PPIP5K1: variants seen among roughly 807,000 people sequenced by gnomAD.
PPIP5K1 encodes the protein diphosphoinositol pentakisphosphate kinase 1.
A neutral mutation model predicts 27.7 loss-of-function variants in PPIP5K1; 6 were observed. The observed-to-expected ratio is 0.22, with a 90% CI of 0.12 to 0.43. PPIP5K1 has a LOEUF of 0.43. Ranked by LOEUF, PPIP5K1 falls within the 20% of genes least tolerant of loss-of-function variation. The probability of loss-of-function intolerance (pLI) is 1.00; values close to 1 mark genes in which losing one functional copy is unlikely to be tolerated. For missense variants in PPIP5K1, 394 were observed against 635.4 expected (o/e 0.62, Z 4.08); for synonymous variants, 145 against 242.6 (o/e 0.60, Z 3.74).
At chr15:43,536,440 ATAGTT>A (rs2140297605) in intron 31 of PPIP5K1, among the ~76,000 whole-genome samples, 1 of 152,224 alleles carries the variant, frequency 6.6e-6, no homozygotes, top group South Asian at 2.1e-4. Flanking sequence ...AAAAAAGAAA[ATAGTT>A]TACCCAAAAA....
At chr15:43,542,667 TGTGTGTGTGTG>T (rs1567020649) in intron 30 of PPIP5K1, among the ~76,000 whole-genome samples, 1 of 150,002 alleles carries the variant, frequency 6.7e-6, no homozygotes, top group African/African-American at 2.5e-5. Context: ...TGTGTGTGTG[TGTGTGTGTGTG>T]TGTGTGTGTG....
chr15:43,536,542 TC>T (rs1480769824), intron 31 of PPIP5K1, among the ~76,000 whole-genome samples: 1 of 152,164 alleles, frequency 6.6e-6, no homozygotes, highest in African/African-American at 2.4e-5. Context: ...TCAGATATCT[TC>T]CAGGAAAAAT....
intron 30 of PPIP5K1, among the ~76,000 whole-genome samples, chr15:43,551,757 T>C (rs1352776206): frequency 2.0e-5 from 3 of 149,482 alleles, no homozygotes; most frequent in Non-Finnish European, 4.4e-5. Flanking sequence ...CGCCCGCCAC[T>C]ACGCCTGGCT....
At chr15:43,545,838 A>G (rs1206823633) in intron 30 of PPIP5K1, among the ~76,000 whole-genome samples, 1 of 152,128 alleles carries the variant, frequency 6.6e-6, no homozygotes, top group Non-Finnish European at 1.5e-5. Flanking sequence ...ATTCTGTGGC[A>G]TTTAGTACAC....
intron 30 of PPIP5K1, among the ~76,000 whole-genome samples, chr15:43,554,622 C>CACAT (rs2082678603): frequency 7.3e-6 from 1 of 136,572 alleles, no homozygotes; most frequent in African/African-American, 2.6e-5. Flanking sequence ...ACCTGGCATA[C>CACAT]ACACACACAC....
At chr15:43,551,381 G>A (rs1366503833) in intron 30 of PPIP5K1, among the ~76,000 whole-genome samples, 1 of 151,408 alleles carries the variant, frequency 6.6e-6, no homozygotes, top group African/African-American at 2.4e-5. Context: ...AGCTGGGTGT[G>A]GTGGGCAGTG....
At chr15:43,545,697 C>T (rs1490841963) in intron 30 of PPIP5K1, among the ~76,000 whole-genome samples, 1 of 152,066 alleles carries the variant, frequency 6.6e-6, no homozygotes, top group African/African-American at 2.4e-5. Context: ...CAGAATTAGG[C>T]TTTCCTTACT....
At chr15:43,555,302 G>C (rs1308486183) in intron 30 of PPIP5K1, among the ~76,000 whole-genome samples, 1 of 151,958 alleles carries the variant, frequency 6.6e-6, no homozygotes, top group Non-Finnish European at 1.5e-5. Flanking sequence ...TTGAGACACG[G>C]TCTCAGTCTA....
intron 30 of PPIP5K1, among the ~76,000 whole-genome samples, chr15:43,543,427 C>T (rs1295641214): frequency 6.6e-6 from 1 of 151,156 alleles, no homozygotes; most frequent in African/African-American, 2.4e-5. Flanking sequence ...AACAAACAAA[C>T]AAACAAACAA....
intron 30 of PPIP5K1, among the ~76,000 whole-genome samples, chr15:43,552,128 GT>G (rs1324187060): frequency 6.6e-6 from 1 of 151,926 alleles, no homozygotes; most frequent in Non-Finnish European, 1.5e-5. Context: ...TAATTTTAAA[GT>G]TTTTCTGTAG....
intron 30 of PPIP5K1, 111 bp downstream of exon 30, chr15:43,558,684 T>C: frequency 7.1e-7 from 1 of 1,416,422 alleles, no homozygotes; most frequent in South Asian, 1.3e-5. Flanking sequence ...AAGTGTACTT[T>C]TGTGTCTTTG....
intron 31 of PPIP5K1, among the ~76,000 whole-genome samples, chr15:43,536,878 G>A (rs950629605): frequency 2.6e-5 from 4 of 151,982 alleles, no homozygotes; most frequent in African/African-American, 2.4e-5. Flanking sequence ...ATATTATAAC[G>A]ATATATTAAA....
At chr15:43,556,335 G>GA (rs755372709) in intron 30 of PPIP5K1, among the ~76,000 whole-genome samples, 130 of 149,004 alleles carry the variant, frequency 8.7e-4, no homozygotes, top group Middle Eastern at 3.5e-3. Context: ...CAGAAAAAAA[G>GA]AAAAAAAAAG....
chr15:43,538,613 G>GGGTTCACA (rs1356814664), intron 31 of PPIP5K1, among the ~76,000 whole-genome samples: 2 of 152,002 alleles, frequency 1.3e-5, no homozygotes, highest in Admixed American at 6.6e-5. Flanking sequence ...TGCAAGCTCT[G>GGGTTCACA]CCATTCTCCT....
At chr15:43,555,004 T>G (rs1416407944) in intron 30 of PPIP5K1, among the ~76,000 whole-genome samples, 1 of 151,940 alleles carries the variant, frequency 6.6e-6, no homozygotes, top group Non-Finnish European at 1.5e-5. Flanking sequence ...CCTCGCTGAT[T>G]TGTGTATTTT....
chr15:43,547,399 G>A (rs2081507078), intron 30 of PPIP5K1, among the ~76,000 whole-genome samples: 1 of 151,760 alleles, frequency 6.6e-6, no homozygotes, highest in African/African-American at 2.4e-5. Flanking sequence ...TTCTTTTGTT[G>A]CTTATGCTTT....
intron 30 of PPIP5K1, among the ~76,000 whole-genome samples, chr15:43,554,833 AAAT>A (rs1358551621): frequency 6.6e-6 from 1 of 151,998 alleles, no homozygotes; most frequent in African/African-American, 2.4e-5. Context: ...TTGTTAGAGT[AAAT>A]AATAATTTTT....
intron 30 of PPIP5K1, among the ~76,000 whole-genome samples, chr15:43,553,297 G>A (rs914135433): frequency 2.0e-5 from 3 of 151,884 alleles, no homozygotes; most frequent in Non-Finnish European, 2.9e-5. Flanking sequence ...CTGTTAGGTC[G>A]AGTTGGTTTG....
chr15:43,554,419 AC>A (rs1168990918), intron 30 of PPIP5K1, among the ~76,000 whole-genome samples: 9 of 152,090 alleles, frequency 5.9e-5, no homozygotes, highest in Non-Finnish European at 1.3e-4. Flanking sequence ...AGTAACTAAG[AC>A]TGCAGGTATG....
Sources: allele counts gnomAD v4.1 joint callset (sites outside exome capture counted in the v4.1 genomes callset), GRCh38; gene constraint gnomAD v4.1.1; transcripts MANE v1.5; gene names NCBI Gene and HGNC (gene_info 2026-07-23, HGNC 2026-07-21).